PTPRT: variants seen among roughly 807,000 people sequenced by gnomAD.
The protein encoded by PTPRT is protein tyrosine phosphatase receptor type T.
A neutral mutation model predicts 176.8 loss-of-function variants in PTPRT; 56 were observed. The observed-to-expected ratio is 0.32, with a 90% confidence interval of 0.26 to 0.40. The LOEUF (loss-of-function observed/expected upper bound fraction) is 0.40, where lower values mean the gene tolerates loss of function less well. PTPRT is among the 10% of genes least tolerant of loss of function. PTPRT has a pLI of 1.00. For synonymous variants in PTPRT, 783 were observed against 739.0 expected (o/e 1.06, Z -0.96); for missense variants, 1,540 against 1,908.2 (o/e 0.81, Z 3.60).
chr20:43,135,038 C>T (rs1305390988), intron 1 of PTPRT, among the ~76,000 whole-genome samples: 1 of 152,174 alleles, frequency 6.6e-6, no homozygotes, highest in Non-Finnish European at 1.5e-5. Flanking sequence ...CAAATGTCCC[C>T]TGGGGAGGGA....
intron 6 of PTPRT, among the ~76,000 whole-genome samples, chr20:42,742,076 G>A (rs1301195124): frequency 6.6e-6 from 1 of 152,216 alleles, no homozygotes; most frequent in Non-Finnish European, 1.5e-5. Context: ...CCACAGAGAT[G>A]AGTGCAGATG....
chr20:42,742,908 G>A (rs1182179707), intron 6 of PTPRT, among the ~76,000 whole-genome samples: 2 of 152,132 alleles, frequency 1.3e-5, no homozygotes, highest in African/African-American at 4.8e-5. Context: ...CCCCAGGTTT[G>A]CCTGCTTCTA....
chr20:42,141,478 T>C (rs1263745322), intron 18 of PTPRT, among the ~76,000 whole-genome samples: 1 of 152,184 alleles, frequency 6.6e-6, no homozygotes, highest in African/African-American at 2.4e-5. Flanking sequence ...CCCATGCTCC[T>C]CACCCCAGGT....
intron 1 of PTPRT, among the ~76,000 whole-genome samples, chr20:43,164,824 CT>C (rs1266668737): frequency 3.3e-5 from 5 of 152,200 alleles, no homozygotes; most frequent in African/African-American, 1.2e-4. Flanking sequence ...ACAAAATACC[CT>C]CCTTTTGATT....
intron 15 of PTPRT, among the ~76,000 whole-genome samples, chr20:42,212,015 G>A (rs1209839858): frequency 1.3e-5 from 1 of 77,196 alleles, no homozygotes; most frequent in Non-Finnish European, 3.2e-5. Flanking sequence ...GATGAAACTG[G>A]AAAACATCAT....
At chr20:42,508,988 T>C (rs1378128936) in intron 7 of PTPRT, among the ~76,000 whole-genome samples, 29 of 127,404 alleles carry the variant, frequency 2.3e-4, no homozygotes, top group Non-Finnish European at 4.1e-4. Context: ...AATTTATATT[T>C]AATTTATAGA....
chr20:42,907,564 C>T (rs1327195688), intron 1 of PTPRT, among the ~76,000 whole-genome samples: 2 of 152,040 alleles, frequency 1.3e-5, no homozygotes, highest in Non-Finnish European at 2.9e-5. Context: ...TCGTTCTTAA[C>T]AGAGTTGTAC....
chr20:42,481,809 C>A (rs947955667), intron 7 of PTPRT, among the ~76,000 whole-genome samples: 2 of 146,144 alleles, frequency 1.4e-5, no homozygotes, highest in Non-Finnish European at 3.0e-5. Flanking sequence ...CACACACGCG[C>A]GCATGTATAT....
chr20:42,290,402 C>T (rs2057299432), intron 12 of PTPRT, among the ~76,000 whole-genome samples: 1 of 152,030 alleles, frequency 6.6e-6, no homozygotes, highest in African/African-American at 2.4e-5. Flanking sequence ...CTACTCAAGG[C>T]TCGGCCAGTG....
At chr20:42,138,337 G>A (rs1249057530) in intron 18 of PTPRT, among the ~76,000 whole-genome samples, 1 of 152,172 alleles carries the variant, frequency 6.6e-6, no homozygotes, top group African/African-American at 2.4e-5. Context: ...CCCTTGGTGG[G>A]GTCACCATGG....
the PTPRT span, among the ~76,000 whole-genome samples, chr20:42,059,095 T>C: frequency 6.6e-6 from 1 of 152,166 alleles, no homozygotes; most frequent in East Asian, 1.9e-4. Context: ...AAGTGGGAGC[T>C]GCTGATCTCA....
chr20:42,415,262 A>T (rs2059054581), intron 9 of PTPRT, among the ~76,000 whole-genome samples: 1 of 152,182 alleles, frequency 6.6e-6, no homozygotes, highest in Admixed American at 6.5e-5. Context: ...GCTCACTGTA[A>T]CCTTGAGCTC....
chr20:42,684,344 CAA>C (rs981825636), intron 6 of PTPRT, among the ~76,000 whole-genome samples: 2 of 136,394 alleles, frequency 1.5e-5, no homozygotes, highest in African/African-American at 5.4e-5. Context: ...GACTCTGTCT[CAA>C]AAAAAAAAAA....
intron 3 of PTPRT, among the ~76,000 whole-genome samples, chr20:42,788,086 T>C (rs2077317909): frequency 6.6e-6 from 1 of 152,068 alleles, no homozygotes; most frequent in African/African-American, 2.4e-5. Context: ...TCTCAAAACA[T>C]CTAGGATACA....
At chr20:43,042,522 G>C (rs948948219) in intron 1 of PTPRT, among the ~76,000 whole-genome samples, 22 of 148,774 alleles carry the variant, frequency 1.5e-4, no homozygotes, top group African/African-American at 5.4e-4. Flanking sequence ...TGTTCCCACA[G>C]ATCTCTGCCT....
At chr20:42,067,219 C>T in the PTPRT span, among the ~76,000 whole-genome samples, 1 of 152,128 alleles carries the variant, frequency 6.6e-6, no homozygotes, top group Non-Finnish European at 1.5e-5. Flanking sequence ...ATTTGACAGC[C>T]TGTGAGGGCA....
Position 42,655,511 on chromosome 20 carries a change from A to T in PTPRT, c.1153+22355T>A, listed in dbSNP as rs545539924. On this transcript the variant is annotated intron_variant, in intron 7 of 30. Coordinates refer to ENST00000373187, the MANE Select transcript of PTPRT (RefSeq NM_007050.6). ...ATCTTTTTAAGAAAAAAAGAAATTTACCAGATCTCATATTTATACCTTGGT... is the reference window on the plus strand; with the variant it reads ...ATCTTTTTAAGAAAAAAAGAAATTTTCCAGATCTCATATTTATACCTTGGT... Among the ~76,000 whole-genome samples the T allele has an allele frequency of 3.2e-4, 49 of 152,284 alleles. 1 individual carries two copies. The South Asian group carries it at 0.01, about 32-fold the overall frequency.
In PTPRT at chr20:42,243,577, G is replaced by T. The variant is rs553823653; in HGVS notation, c.2312+5110C>A. On this transcript the variant is annotated intron_variant, in intron 14 of 30. Transcript: ENST00000373187. ...GAAATCTCAGGACATTTCATTCAGG[G>T]AAACAGCATGCTCAAAAGAAGAAAA... is the stretch of plus-strand genomic sequence containing the variant. Among the ~76,000 whole-genome samples the T allele has an allele frequency of 6.6e-5, 10 of 152,282 alleles. No individual in the cohort carries two copies. The South Asian group carries it at 2.1e-3, about 32-fold the overall frequency.
the PTPRT span, among the ~76,000 whole-genome samples, chr20:42,059,758 T>C: frequency 6.6e-6 from 1 of 152,186 alleles, no homozygotes; most frequent in South Asian, 2.1e-4. Flanking sequence ...TTAAGCATTT[T>C]CAAACTGTAA....
Sources: allele counts gnomAD v4.1 joint callset (sites outside exome capture counted in the v4.1 genomes callset), GRCh38; gene constraint gnomAD v4.1.1; transcripts MANE v1.5; gene names NCBI Gene and HGNC (gene_info 2026-07-23, HGNC 2026-07-21).